Variants in MCTP2 observed in about 807,000 individuals in gnomAD.
MCTP2 encodes multiple C2 and transmembrane domain-containing protein 2.
MCTP2 carries 132 observed loss-of-function variants against 111.6 expected under a neutral mutation model. That is an observed-to-expected ratio of 1.18 (90% CI 1.03 to 1.37). The LOEUF is 1.37. MCTP2 is among the 40% of genes most tolerant of loss of function. The pLI, the probability that MCTP2 is intolerant of heterozygous loss-of-function variation, is 0.00. For synonymous variants in MCTP2, 395 were observed against 387.7 expected (o/e 1.02, Z -0.22); for missense variants, 1,183 against 1,067.9 (o/e 1.11, Z -1.50).
At chr15:94,250,687 C>G (rs912709998) in intron 1 of MCTP2, among the ~76,000 whole-genome samples, 2 of 152,158 alleles carry the variant, frequency 1.3e-5, no homozygotes, top group African/African-American at 4.8e-5. Context: ...GGTGAAGTCA[C>G]TCAGAGAACA....
intron 2 of MCTP2, among the ~76,000 whole-genome samples, chr15:94,300,475 A>T (rs1400485820): frequency 6.8e-6 from 1 of 146,456 alleles, no homozygotes; most frequent in African/African-American, 2.6e-5. Context: ...GCGCCACTGC[A>T]CTCCAGCCTG....
chr15:94,479,020 C>A lies in MCTP2; in HGVS notation c.2623C>A (p.Arg875Ser). The change falls in exon 23 of 23, where the codon CGC becomes AGC. Residue 875 changes from arginine (R) to serine (S), a missense_variant. Coordinates refer to ENST00000357742, the MANE Select transcript of MCTP2 (RefSeq NM_001385001.1). The stretch of plus-strand genomic sequence containing the variant: ...CAGCCACAGCCCCCTGCGGAAGAAG[C>A]GCAGCGCTCTCTAGGGCACACACCG... ...CSSHSPLRKK[R>S]SAL The A allele has an allele frequency of 6.2e-7, 1 of 1,614,048 alleles. No homozygotes were observed. The highest frequency in any genetic ancestry group is 8.5e-7 in the Non-Finnish European group (1 of 1,179,990).
intron 17 of MCTP2, among the ~76,000 whole-genome samples, chr15:94,424,172 A>G (rs536668524): frequency 6.6e-6 from 1 of 152,298 alleles, no homozygotes; most frequent in African/African-American, 2.4e-5. Context: ...GCATTTATTT[A>G]CTTAGTATCG....
intron 12 of MCTP2, among the ~76,000 whole-genome samples, chr15:94,371,383 C>T (rs1216409377): frequency 6.6e-6 from 1 of 152,160 alleles, no homozygotes; most frequent in Non-Finnish European, 1.5e-5. Flanking sequence ...GTCAACATTT[C>T]ACATGTGCCT....
intron 4 of MCTP2, among the ~76,000 whole-genome samples, chr15:94,331,772 C>T (rs1322024591): frequency 2.6e-5 from 4 of 152,076 alleles, no homozygotes; most frequent in Non-Finnish European, 5.9e-5. Flanking sequence ...CCCGAGGAGC[C>T]AATGAAATGT....
intron 4 of MCTP2, among the ~76,000 whole-genome samples, chr15:94,336,739 A>ATG (rs147211090): frequency 0.44 from 65,317 of 149,656 alleles, 14,455 homozygotes; most frequent in Admixed American, 0.51. Flanking sequence ...ATGTGCATAT[A>ATG]TGTGTGTGTA....
intron 12 of MCTP2, among the ~76,000 whole-genome samples, chr15:94,380,669 G>T (rs971136000): frequency 1.1e-4 from 16 of 152,008 alleles, no homozygotes; most frequent in Admixed American, 8.5e-4. Flanking sequence ...CTGAGAGGCT[G>T]AGGAGGGAGA....
intron 2 of MCTP2, among the ~76,000 whole-genome samples, chr15:94,303,259 A>G (rs1190512260): frequency 6.6e-6 from 1 of 151,614 alleles, no homozygotes; most frequent in East Asian, 1.9e-4. Context: ...CTGAGGAGCA[A>G]GCAGTCCAGG....
intron 1 of MCTP2, among the ~76,000 whole-genome samples, chr15:94,295,174 T>C (rs1409963929): frequency 6.6e-6 from 1 of 152,028 alleles, no homozygotes; most frequent in African/African-American, 2.4e-5. Context: ...GGTCTCGAAC[T>C]CCTGACCTCA....
chr15:94,330,226 A>G (rs1473706238), intron 4 of MCTP2, among the ~76,000 whole-genome samples: 1 of 152,166 alleles, frequency 6.6e-6, no homozygotes, highest in Non-Finnish European at 1.5e-5. Context: ...GATCATTCCC[A>G]TGTTAATGTT....
chr15:94,304,476 C>A (rs1479662737), intron 2 of MCTP2, among the ~76,000 whole-genome samples: 1 of 152,166 alleles, frequency 6.6e-6, no homozygotes, highest in African/African-American at 2.4e-5. Context: ...CTCTAATGTT[C>A]TTTTGATGTA....
intron 17 of MCTP2, among the ~76,000 whole-genome samples, chr15:94,434,583 A>G (rs944302711): frequency 6.6e-5 from 10 of 152,040 alleles, no homozygotes; most frequent in Admixed American, 5.2e-4. Flanking sequence ...TTCCCCATAC[A>G]TATATCCAGT....
At chr15:94,254,279 G>C (rs1368530065) in intron 1 of MCTP2, among the ~76,000 whole-genome samples, 1 of 152,140 alleles carries the variant, frequency 6.6e-6, no homozygotes, top group African/African-American at 2.4e-5. Context: ...AATGATGACT[G>C]CTTTGCCCAG....
intron 1 of MCTP2, among the ~76,000 whole-genome samples, chr15:94,283,407 A>AC (rs1162730059): frequency 6.6e-6 from 1 of 151,842 alleles, no homozygotes; most frequent in African/African-American, 2.4e-5. Context: ...TCCCATGCCA[A>AC]CCCCCCTTGG....
chr15:94,455,701 A>G (rs2152524206), intron 19 of MCTP2, among the ~76,000 whole-genome samples: 1 of 152,324 alleles, frequency 6.6e-6, no homozygotes, highest in East Asian at 1.9e-4. Context: ...CTGGGCTTAC[A>G]GGCGTGAGCC....
In MCTP2 at chr15:94,440,190, T is replaced by C. The variant is rs1054760344; in HGVS notation, c.2100T>C (p.Thr700=). The C allele has an allele frequency of 2.5e-6, 4 of 1,613,944 alleles. No homozygotes were observed. In the Admixed American group the frequency reaches 6.7e-5, roughly 27 times the overall value. ...CTTTCAATCAGGTATTTTTGATCAC[T>C]GTCTGGAATTTTGAACTATATATGA... ...STIAFAVFLI[T]VWNFELYMIP... The change falls in exon 18 of 23, where the codon ACT becomes ACC. Residue 700 remains threonine, a synonymous_variant. Transcript: ENST00000357742.
At chr15:94,328,416 C>G (rs2076987545) in intron 4 of MCTP2, among the ~76,000 whole-genome samples, 1 of 152,216 alleles carries the variant, frequency 6.6e-6, no homozygotes, top group African/African-American at 2.4e-5. Flanking sequence ...GTGTGAGCCA[C>G]CGCGCCCGGC....
chr15:94,356,461 C>T (rs188212937), intron 9 of MCTP2, among the ~76,000 whole-genome samples, 160 bp downstream of exon 9: 2 of 152,258 alleles, frequency 1.3e-5, no homozygotes, highest in East Asian at 3.9e-4. Flanking sequence ...TAGATGCAGT[C>T]AATTAATGTG....
intron 1 of MCTP2, among the ~76,000 whole-genome samples, chr15:94,263,189 T>G (rs1026122113): frequency 6.6e-6 from 1 of 152,218 alleles, no homozygotes; most frequent in Non-Finnish European, 1.5e-5. Context: ...ACCTGTTTAG[T>G]AAGCAGAGAA....
Sources: allele counts gnomAD v4.1 joint callset (sites outside exome capture counted in the v4.1 genomes callset), GRCh38; gene constraint gnomAD v4.1.1; transcripts MANE v1.5; gene names NCBI Gene and HGNC (gene_info 2026-07-23, HGNC 2026-07-21).